Variants in BCCIP observed in about 807,000 individuals in gnomAD.
BCCIP encodes BRCA2 and CDKN1A interacting protein.
A neutral mutation model predicts 32.8 loss-of-function variants in BCCIP; 23 were observed. The observed-to-expected ratio is 0.70, with a 90% CI of 0.51 to 0.99. BCCIP has a LOEUF of 0.99. Among genes scored for constraint, BCCIP ranks in the 50% least tolerant of loss-of-function variants. The pLI is 0.00. For missense variants in BCCIP, 378 were observed against 379.8 expected (o/e 1.00, Z 0.04); for synonymous variants, 144 against 137.6 (o/e 1.05, Z -0.33).
chr10:125,846,487 T>A (rs1184998618), downstream of BCCIP, among the ~76,000 whole-genome samples: 2 of 152,244 alleles, frequency 1.3e-5, no homozygotes. Flanking sequence ...CTCAGTCTGT[T>A]TTGAGTATCT....
rs942890141 is a variant in BCCIP, at chr10:125,823,685, A to G, written c.128A>G (p.Asp43Gly). 7 of 1,614,028 alleles carry G rather than the reference A, an allele frequency of 4.3e-6. No homozygotes were observed. The highest frequency in any genetic ancestry group is 5.9e-6 in the Non-Finnish European group (7 of 1,179,978). ...GAGGATGAAGACGATGATGACAGTGACAAGGAAAAGGATGAAGAGGACGAG... is the reference window on the plus strand; with the variant it reads ...GAGGATGAAGACGATGATGACAGTGGCAAGGAAAAGGATGAAGAGGACGAG... ...ENEDEDDDDS[D>G]KEKDEEDEVI... is the part of the protein sequence containing the mutation. Residue 43 changes from aspartate to glycine, a missense_variant, in exon 1 of 7, where the codon GAC becomes GGC. Transcript: ENST00000278100.
chr10:125,829,669 C>G (rs775678333), intron 3 of BCCIP, among the ~76,000 whole-genome samples: 6 of 152,166 alleles, frequency 3.9e-5, no homozygotes, highest in Non-Finnish European at 5.9e-5. Context: ...GAAATTAAAC[C>G]TATGGGGCAT....
chr10:125,842,100 G>C, exon 7 of BCCIP: 1 of 928,278 alleles, frequency 1.1e-6, no homozygotes, highest in Non-Finnish European at 1.5e-6. Context: ...AGTGATTCTT[G>C]AGAGGGCAAA....
chr10:125,846,999 A>G (rs1944030373), downstream of BCCIP, among the ~76,000 whole-genome samples: 1 of 152,200 alleles, frequency 6.6e-6, no homozygotes, highest in Admixed American at 6.5e-5. Flanking sequence ...AGAGAAATGC[A>G]GTTATCACTT....
chr10:125,834,907 T>A (rs1052107098), intron 6 of BCCIP, among the ~76,000 whole-genome samples: 2 of 146,804 alleles, frequency 1.4e-5, no homozygotes, highest in Admixed American at 6.8e-5. Flanking sequence ...TCAAGGCGGG[T>A]GGATCACGAG....
intron 7 of BCCIP, chr10:125,852,389 C>T: frequency 3.1e-6 from 5 of 1,614,210 alleles, no homozygotes; most frequent in Non-Finnish European, 3.4e-6. Context: ...TGCATTTCTG[C>T]TGGCTTCAGT....
intron 2 of BCCIP, among the ~76,000 whole-genome samples, chr10:125,827,331 C>A (rs953555350): frequency 1.4e-4 from 21 of 151,708 alleles, no homozygotes; most frequent in Non-Finnish European, 2.4e-4. Flanking sequence ...CCTTTTTTCT[C>A]CCCCTCCCCC....
At chr10:125,834,113 G>A in intron 6 of BCCIP, 167 bp downstream of exon 6, 2 of 707,674 alleles carry the variant, frequency 2.8e-6, no homozygotes, top group Non-Finnish European at 4.6e-6. Flanking sequence ...CAGGTGCATA[G>A]TAGGTACTCA....
chr10:125,831,675 T>A, intron 5 of BCCIP, 68 bp downstream of exon 5: 1 of 1,436,376 alleles, frequency 7.0e-7, no homozygotes, highest in Non-Finnish European at 9.6e-7. Flanking sequence ...AAATGTCATT[T>A]AAGTAGAATA....
At chr10:125,823,795 A>C in intron 1 of BCCIP, 73 bp downstream of exon 1, 1 of 1,580,294 alleles carries the variant, frequency 6.3e-7, no homozygotes. Context: ...CTGTGTAAAA[A>C]TAGTGTAGGG....
At chr10:125,834,041 C>G in intron 6 of BCCIP, 95 bp downstream of exon 6, 1 of 1,370,716 alleles carries the variant, frequency 7.3e-7, no homozygotes, top group East Asian at 2.3e-5. Context: ...AGGTCCAAGT[C>G]TTTCAAGTGT....
intron 3 of BCCIP, among the ~76,000 whole-genome samples, 174 bp from the exon 4 acceptor site, chr10:125,830,388 G>A (rs1014939883): frequency 1.3e-5 from 2 of 152,164 alleles, no homozygotes; most frequent in African/African-American, 2.4e-5. Flanking sequence ...CAAGATGATG[G>A]TGGTAAAACT....
intron 7 of BCCIP, among the ~76,000 whole-genome samples, chr10:125,850,997 G>A (rs538103256): frequency 7.2e-5 from 11 of 152,316 alleles, no homozygotes; most frequent in African/African-American, 2.6e-4. Flanking sequence ...TGTCATTCAG[G>A]ATGGAGGTCA....
At chr10:125,831,369 C>T (rs760407684) in intron 4 of BCCIP, 51 bp from the exon 5 acceptor site, 4 of 1,558,774 alleles carry the variant, frequency 2.6e-6, no homozygotes. Context: ...CAGGTTTTGT[C>T]CTCTATGTGA....
downstream of BCCIP, among the ~76,000 whole-genome samples, chr10:125,839,480 A>G (rs1348015477): frequency 6.6e-6 from 1 of 152,176 alleles, no homozygotes; most frequent in African/African-American, 2.4e-5. Context: ...CTGAAGATGT[A>G]TTTCACTAAC....
rs532448915 is a variant in BCCIP at position 125,851,378 on chromosome 10, A to G, written c.851-1747A>G. 1.1e-4 allele frequency among the ~76,000 whole-genome samples: 17 copies of G among 152,334 alleles called. No homozygotes were observed. In the South Asian group the frequency reaches 3.5e-3, roughly 32 times the overall value. On this transcript the variant is annotated intron_variant, in intron 7 of 7. Coordinates refer to the BCCIP transcript ENST00000368759. The stretch of plus-strand genomic sequence containing the variant: ...TTAAGCCTCATGGAATGAGCAGCAC[A>G]GAGGGTGACTATTGAGAGAACACAG...
intron 1 of BCCIP, among the ~76,000 whole-genome samples, chr10:125,825,121 T>C (rs2134004630): frequency 6.6e-6 from 1 of 152,358 alleles, no homozygotes; most frequent in Non-Finnish European, 1.5e-5. Context: ...ATGCTGCTTG[T>C]GTTAACATGG....
chr10:125,838,185 T>C (rs762157978), downstream of BCCIP: 6 of 1,552,452 alleles, frequency 3.9e-6, no homozygotes, highest in Non-Finnish European at 5.2e-6. Flanking sequence ...AATACAACCC[T>C]TTCTTCTCCA....
chr10:125,840,722 G>T, downstream of BCCIP: 1 of 1,092,370 alleles, frequency 9.2e-7, no homozygotes, highest in Non-Finnish European at 1.3e-6. Flanking sequence ...AGGGCCTCAA[G>T]TGCCATTGCA....
Sources: allele counts gnomAD v4.1 joint callset (sites outside exome capture counted in the v4.1 genomes callset), GRCh38; gene constraint gnomAD v4.1.1; transcripts MANE v1.5; gene names NCBI Gene and HGNC (gene_info 2026-07-23, HGNC 2026-07-21).